MICU3: variants seen among roughly 807,000 people sequenced by gnomAD.
The protein encoded by MICU3 is calcium uptake protein 3, mitochondrial.
In MICU3, 62 loss-of-function variants were observed where a neutral mutation model predicts 66.5. The observed-to-expected ratio is 0.93, with a 90% CI of 0.76 to 1.15. MICU3 has a LOEUF of 1.15. Among genes scored for constraint, MICU3 ranks in the 50% most tolerant of loss-of-function variants. The pLI, the probability that MICU3 is intolerant of heterozygous loss-of-function variation, is 0.00. For missense variants in MICU3, 779 were observed against 664.4 expected, an observed-to-expected ratio of 1.17 and a Z score of -1.90; for synonymous variants, 308 against 240.7, an observed-to-expected ratio of 1.28 and a Z score of -2.59.
intron 1 of MICU3, among the ~76,000 whole-genome samples, chr8:17,043,496 A>G (rs572508813): frequency 9.3e-4 from 141 of 152,370 alleles, no homozygotes; most frequent in African/African-American, 3.1e-3. Flanking sequence ...AAATATAGTC[A>G]TAAGGACAGT....
At chr8:17,030,781 C>CTATGTTGGGA (rs1485548300) in intron 1 of MICU3, among the ~76,000 whole-genome samples, 1 of 152,164 alleles carries the variant, frequency 6.6e-6, no homozygotes, top group Non-Finnish European at 1.5e-5. Flanking sequence ...GTTCCCAAGG[C>CTATGTTGGGA]CTTGTCCGTT....
rs1043413990 is a variant in MICU3 at position 17,088,588 on chromosome 8, G to T, written c.849+1553G>T. Among the ~76,000 whole-genome samples, 4 of 151,896 alleles carry T rather than the reference G, an allele frequency of 2.6e-5. No individual in the cohort carries two copies. The East Asian group carries it at 5.8e-4, about 22-fold the overall frequency. ...AATGAATCTATTGATATACTTTAAT[G>T]ATAAAGTAGATAGTATTTCAGTGGA... On this transcript the variant is annotated intron_variant, in intron 7 of 14. Coordinates refer to ENST00000318063, the MANE Select transcript of MICU3 (RefSeq NM_181723.3).
At chr8:17,132,689 T>C in the MICU3 span, 1 of 152,224 alleles carries the variant, frequency 6.6e-6, no homozygotes, top group Non-Finnish European at 1.5e-5. Flanking sequence ...TTGTGTCTCA[T>C]GGTGGAAACC....
At chr8:17,124,919 C>G (rs1585600502), downstream of MICU3, among the ~76,000 whole-genome samples, 1 of 151,996 alleles carries the variant, frequency 6.6e-6, no homozygotes. Flanking sequence ...TTTGCCCCTA[C>G]TATTCCAAAA....
intron 11 of MICU3, among the ~76,000 whole-genome samples, chr8:17,113,468 C>T (rs1380583818): frequency 1.3e-5 from 2 of 152,220 alleles, no homozygotes; most frequent in African/African-American, 4.8e-5. Context: ...GCCACCCTGA[C>T]CACCAGTCCT....
At chr8:17,055,055 T>C (rs1190373530) in intron 1 of MICU3, among the ~76,000 whole-genome samples, 1 of 152,118 alleles carries the variant, frequency 6.6e-6, no homozygotes. Flanking sequence ...TTTCTTAATC[T>C]GTTGCAGTGT....
At chr8:17,132,687 C>T in the MICU3 span, 1 of 152,302 alleles carries the variant, frequency 6.6e-6, no homozygotes, top group Non-Finnish European at 1.5e-5. Flanking sequence ...CATTGTGTCT[C>T]ATGGTGGAAA....
intron 11 of MICU3, among the ~76,000 whole-genome samples, chr8:17,107,483 T>C (rs1282699339): frequency 6.6e-6 from 1 of 152,070 alleles, no homozygotes; most frequent in East Asian, 1.9e-4. Context: ...CTTTTAAGAC[T>C]CTGTAGGCTA....
At chr8:17,052,093 A>G (rs1160951063) in intron 1 of MICU3, among the ~76,000 whole-genome samples, 2 of 152,196 alleles carry the variant, frequency 1.3e-5, no homozygotes, top group Non-Finnish European at 2.9e-5. Flanking sequence ...AAAGACTTTC[A>G]TTTATGTCAT....
chr8:17,031,082 G>C (rs1422993335), intron 1 of MICU3, among the ~76,000 whole-genome samples: 1 of 151,812 alleles, frequency 6.6e-6, no homozygotes, highest in African/African-American at 2.4e-5. Flanking sequence ...TACTATTTTA[G>C]TGGCATGTGC....
chr8:17,114,010 CTG>C (rs1288892760), intron 11 of MICU3, 81 bp from the exon 12 acceptor site: 1 of 798,866 alleles, frequency 1.3e-6, no homozygotes, highest in African/African-American at 1.8e-5. Context: ...AATGCTTAAT[CTG>C]TTTTTTTCTC....
At chr8:17,108,409 G>T (rs1801918110) in intron 11 of MICU3, among the ~76,000 whole-genome samples, 1 of 152,122 alleles carries the variant, frequency 6.6e-6, no homozygotes, top group African/African-American at 2.4e-5. Context: ...TCCACTTGAA[G>T]ATCCAGTAGA....
intron 4 of MICU3, among the ~76,000 whole-genome samples, chr8:17,079,184 C>T (rs937080655): frequency 1.1e-4 from 17 of 151,338 alleles, no homozygotes; most frequent in African/African-American, 3.9e-4. Context: ...ATCTATGCTG[C>T]ACCACTATGA....
At chr8:17,105,692 ATCTT>A in intron 11 of MICU3, 108 bp downstream of exon 11, 1 of 557,996 alleles carries the variant, frequency 1.8e-6, no homozygotes, top group Non-Finnish European at 3.0e-6. Flanking sequence ...ATTAAAAGAT[ATCTT>A]GGATGTGTTT....
At chr8:17,038,338 A>G (rs576704692) in intron 1 of MICU3, among the ~76,000 whole-genome samples, 6 of 152,272 alleles carry the variant, frequency 3.9e-5, no homozygotes, top group African/African-American at 1.4e-4. Flanking sequence ...TAAGTCTCAC[A>G]AGATCTGATG....
chr8:17,129,271 T>A, the MICU3 span, among the ~76,000 whole-genome samples: 1 of 152,144 alleles, frequency 6.6e-6, no homozygotes, highest in African/African-American at 2.4e-5. Flanking sequence ...AATATTAGGC[T>A]AAGCAGGAAA....
Position 17,049,001 on chromosome 8 carries a change from G to C in MICU3, c.382-15083G>C, listed in dbSNP as rs1483627178. ...TATTATGGATCCATGCAAATAAACA[G>C]TACACAGTTCTGTATTTCGGGGATG... On this transcript the variant is annotated intron_variant, in intron 1 of 14. Coordinates refer to ENST00000318063, the MANE Select transcript of MICU3 (RefSeq NM_181723.3). Among the ~76,000 whole-genome samples the C allele has an allele frequency of 2.6e-5, 4 of 152,130 alleles. 1 individual carries two copies. In the East Asian group the frequency reaches 5.8e-4, roughly 22 times the overall value.
intron 9 of MICU3, among the ~76,000 whole-genome samples, chr8:17,099,991 C>T (rs17124087): frequency 0.14 from 21,863 of 151,694 alleles, 1,671 homozygotes; most frequent in South Asian, 0.27. Context: ...TTCCTGTGTA[C>T]TCAGAGAATT....
chr8:17,130,710 CGTAA>C, the MICU3 span, among the ~76,000 whole-genome samples: 182 of 152,038 alleles, frequency 1.2e-3, no homozygotes, highest in African/African-American at 3.9e-3. Context: ...CCCATAGAAC[CGTAA>C]GTGAGTTAAA....
Sources: allele counts gnomAD v4.1 joint callset (sites outside exome capture counted in the v4.1 genomes callset), GRCh38; gene constraint gnomAD v4.1.1; transcripts MANE v1.5; gene names NCBI Gene and HGNC (gene_info 2026-07-23, HGNC 2026-07-21).